ENTPD1: variants seen among roughly 807,000 people sequenced by gnomAD.
The protein encoded by ENTPD1 is ectonucleoside triphosphate diphosphohydrolase 1, also known as ATP diphosphohydrolase.
A neutral mutation model predicts 57.0 loss-of-function variants in ENTPD1; 33 were observed. The observed-to-expected ratio is 0.58, with a 90% CI of 0.44 to 0.77. The LOEUF is 0.77. ENTPD1 is among the 30% of genes least tolerant of loss of function. The pLI is 0.00. For missense variants in ENTPD1, 501 were observed against 603.4 expected (o/e 0.83, Z 1.78); for synonymous variants, 202 against 218.8 (o/e 0.92, Z 0.68).
chr10:95,870,847 T>G lies in ENTPD1; in HGVS notation c.*4464T>G, dbSNP rs1194539464. 1.1e-5 allele frequency: 11 copies of G among 985,446 alleles called. No individual in the cohort carries two copies. Among genetic ancestry groups the G allele is most frequent in the Non-Finnish European group, 1.3e-5 (11 of 829,940 alleles). The allele number at this position is 985,446 out of a possible 1,614,324, so 61.0% of individuals were successfully genotyped here. Reference sequence around the variant, plus strand: ...TTTACTTTTTATAACAGCCTCAAAGTTTCATGAATTGCTGCAGTAAACATT... The same window carrying G: ...TTTACTTTTTATAACAGCCTCAAAGGTTCATGAATTGCTGCAGTAAACATT... On this transcript the variant is annotated 3_prime_UTR_variant, in exon 10 of 10. Transcript: ENST00000371205.
chr10:95,730,221 GT>G (rs144221478), intron 1 of ENTPD1, among the ~76,000 whole-genome samples: 5,644 of 141,036 alleles, frequency 0.04, 128 homozygotes, highest in Non-Finnish European at 0.052. Context: ...GTGTTCTTTT[GT>G]TTTTTTTTTT....
At chr10:95,730,755 A>C (rs1194478493) in intron 1 of ENTPD1, among the ~76,000 whole-genome samples, 1 of 152,214 alleles carries the variant, frequency 6.6e-6, no homozygotes, top group Admixed American at 6.5e-5. Context: ...AAATAGTGGC[A>C]TTTCTTTTTA....
chr10:95,802,972 G>A (rs145650214), intron 1 of ENTPD1, among the ~76,000 whole-genome samples: 1 of 152,148 alleles, frequency 6.6e-6, no homozygotes, highest in African/African-American at 2.4e-5. Flanking sequence ...TGCTGGTATA[G>A]TTTGAGGTCA....
At chr10:95,729,830 C>T (rs1237137957) in intron 1 of ENTPD1, among the ~76,000 whole-genome samples, 1 of 152,140 alleles carries the variant, frequency 6.6e-6, no homozygotes, top group Non-Finnish European at 1.5e-5. Context: ...AGTGACTTTA[C>T]ATTGGGAGGA....
chr10:95,807,410 A>G (rs1194100747), intron 1 of ENTPD1, among the ~76,000 whole-genome samples: 1 of 152,186 alleles, frequency 6.6e-6, no homozygotes, highest in Non-Finnish European at 1.5e-5. Flanking sequence ...CAGGTGTAAT[A>G]TGTCACAGCT....
upstream of ENTPD1, chr10:95,754,915 T>C (rs547276764): frequency 1.1e-4 from 16 of 152,370 alleles, no homozygotes; most frequent in African/African-American, 3.4e-4. Flanking sequence ...CTTATTAAAG[T>C]ATGACTGAAA....
intron 1 of ENTPD1, among the ~76,000 whole-genome samples, chr10:95,761,283 T>G (rs2098060992): frequency 6.6e-6 from 1 of 152,180 alleles, no homozygotes; most frequent in Admixed American, 6.5e-5. Flanking sequence ...TGTGCATATG[T>G]TCTGAAGCAG....
Position 95,868,310 on chromosome 10 carries a change from T to C in ENTPD1, c.*1927T>C, listed in dbSNP as rs929733414. ...AAACTCCACATGAATACAAGGTTCATGGGACTTGGTATTCATAGAAAGGGA... is the reference window on the plus strand; with the variant it reads ...AAACTCCACATGAATACAAGGTTCACGGGACTTGGTATTCATAGAAAGGGA... On this transcript the variant is annotated 3_prime_UTR_variant, in exon 10 of 10. Coordinates refer to ENST00000371205, the MANE Select transcript of ENTPD1 (RefSeq NM_001776.6). 31 of 985,326 alleles carry C rather than the reference T, an allele frequency of 3.1e-5. No homozygotes were observed. The highest frequency in any genetic ancestry group is 4.7e-5 in the South Asian group (1 of 21,288). 61.0% of individuals were successfully genotyped at this position (985,326 alleles called of 1,614,324 possible).
intron 7 of ENTPD1, among the ~76,000 whole-genome samples, chr10:95,848,412 G>A (rs1280357719): frequency 6.6e-6 from 1 of 152,090 alleles, no homozygotes; most frequent in Non-Finnish European, 1.5e-5. Flanking sequence ...CAGAATCGGG[G>A]GAGAGGTGAC....
chr10:95,856,671 T>TAC lies in ENTPD1; in HGVS notation c.1075-3790_1075-3789dup, dbSNP rs1555305848. On this transcript the variant is annotated intron_variant, in intron 7 of 9. Coordinates refer to ENST00000371205, the MANE Select transcript of ENTPD1 (RefSeq NM_001776.6). Reference sequence around the variant, plus strand: ...GTATGCATATATATATATATATATATACACACACATAAATGTATATACACA... The same window carrying TAC: ...GTATGCATATATATATATATATATATACACACACACATAAATGTATATACACA... Among the ~76,000 whole-genome samples, 265 of 146,766 alleles carry TAC rather than the reference T, an allele frequency of 1.8e-3. 2 individuals are homozygous for TAC. Among genetic ancestry groups the TAC allele is most frequent in the Admixed American group, 2.5e-3 (37 of 14,648 alleles).
In ENTPD1 at chr10:95,778,376, G is replaced by A. The variant is rs373584574; in HGVS notation, c.16+22121G>A. Among the ~76,000 whole-genome samples, 8 of 152,310 alleles carry A rather than the reference G, an allele frequency of 5.3e-5. No individual in the cohort carries two copies. The South Asian group carries it at 1.0e-3, about 20-fold the overall frequency. On this transcript the variant is annotated intron_variant, in intron 1 of 9. Coordinates refer to ENST00000371205, the MANE Select transcript of ENTPD1 (RefSeq NM_001776.6). ...AGAGCTCAACAGGTGGTTTGTAGTT[G>A]AGGAAGTGTCAATGGCTAAAAGATA...
chr10:95,725,028 T>C (rs2097982134), intron 1 of ENTPD1, among the ~76,000 whole-genome samples: 1 of 152,228 alleles, frequency 6.6e-6, no homozygotes, highest in Admixed American at 6.5e-5. Flanking sequence ...AGGCTCTTTT[T>C]ATTTTTCATC....
intron 1 of ENTPD1, among the ~76,000 whole-genome samples, chr10:95,762,659 G>A (rs1045986810): frequency 2.6e-5 from 4 of 151,846 alleles, no homozygotes; most frequent in East Asian, 3.9e-4. Context: ...AAATGTCTTT[G>A]TGCAGGAAGT....
chr10:95,697,072 G>C, the ENTPD1 span, among the ~76,000 whole-genome samples: 1 of 152,202 alleles, frequency 6.6e-6, no homozygotes, highest in Non-Finnish European at 1.5e-5. Context: ...TGGAATTGAA[G>C]GTGGACAAAC....
At chr10:95,864,588 C>G (rs2098470762) in intron 8 of ENTPD1, 136 bp from the exon 9 acceptor site, 3 of 1,174,250 alleles carry the variant, frequency 2.6e-6, no homozygotes, top group Non-Finnish European at 3.7e-6. Context: ...CCCCCAAAAC[C>G]CTCTGGAAGA....
chr10:95,819,700 C>G (rs1472984266), intron 1 of ENTPD1, among the ~76,000 whole-genome samples: 2 of 152,146 alleles, frequency 1.3e-5, no homozygotes, highest in Non-Finnish European at 2.9e-5. Flanking sequence ...TTACCTTGCT[C>G]TCTCACTTTA....
chr10:95,726,210 G>C (rs1191587020), intron 1 of ENTPD1, among the ~76,000 whole-genome samples: 6 of 152,080 alleles, frequency 3.9e-5, no homozygotes, highest in Non-Finnish European at 1.5e-5. Context: ...CCTCCTTTTA[G>C]ATCACTTTAC....
At chr10:95,725,466 T>C (rs1469272562) in intron 1 of ENTPD1, among the ~76,000 whole-genome samples, 1 of 152,200 alleles carries the variant, frequency 6.6e-6, no homozygotes, top group African/African-American at 2.4e-5. Flanking sequence ...GGATTCTGTT[T>C]TATTTTTCTG....
chr10:95,738,954 A>G (rs951309956), intron 1 of ENTPD1, among the ~76,000 whole-genome samples: 3 of 152,066 alleles, frequency 2.0e-5, no homozygotes, highest in Non-Finnish European at 2.9e-5. Context: ...GACCACCACA[A>G]TAAAGCAAGT....
Sources: gnomAD v4.1 joint callset for allele counts (sites outside exome capture counted in the v4.1 genomes callset) on GRCh38, gnomAD v4.1.1 for gene constraint, MANE v1.5 for transcripts, NCBI Gene and HGNC (gene_info 2026-07-23, HGNC 2026-07-21) for gene names.